Variants in TARBP1 observed in about 807,000 individuals in gnomAD.
TARBP1 encodes tRNA (guanosine(18)-2'-O)-methyltransferase TARBP1.
TARBP1 carries 144 observed loss-of-function variants against 178.6 expected under a neutral mutation model. The ratio of observed to expected loss-of-function variants is 0.81; its 90% CI spans 0.70 to 0.93. TARBP1 has a LOEUF of 0.93. Ranked by LOEUF, TARBP1 falls within the 40% of genes least tolerant of loss-of-function variation. The pLI is 0.00. For synonymous variants in TARBP1, 787 were observed against 781.0 expected (o/e 1.01, Z -0.13); for missense variants, 2,067 against 2,011.7 (o/e 1.03, Z -0.53).
intron 6 of TARBP1, among the ~76,000 whole-genome samples, chr1:234,463,079 TG>T (rs891291878): frequency 1.8e-4 from 28 of 152,230 alleles, no homozygotes; most frequent in African/African-American, 6.5e-4. Flanking sequence ...AACCTGAAGA[TG>T]GGGGATGGTT....
chr1:234,463,878 A>G lies in TARBP1; in HGVS notation c.1358T>C (p.Phe453Ser). The G allele has an allele frequency of 6.3e-7, 1 of 1,598,406 alleles. No individual in the cohort carries two copies. The highest frequency in any genetic ancestry group is 8.5e-7 in the Non-Finnish European group (1 of 1,172,218). The part of the protein sequence containing the change: ...CSPLGLKLQK[F>S]LVTYISLLPE... ...AAGAAGAGAAATATAAGTGACTAAA[A>G]ACTTCTGTAATTTCAGTCCCAATGG... The change falls in exon 6 of 30, where the codon TTT becomes TCT. Residue 453 changes from phenylalanine (F) to serine (S), a missense_variant. Transcript: ENST00000040877.
rs187927434 is a variant in TARBP1 at position 234,445,751 on chromosome 1, G to A, written c.2134+1052C>T. Among the ~76,000 whole-genome samples, 31 of 152,282 alleles carry A rather than the reference G, an allele frequency of 2.0e-4. No homozygotes were observed. In the East Asian group the frequency reaches 2.7e-3, roughly 13 times the overall value. The stretch of plus-strand genomic sequence containing the variant: ...AGGAGGGCACTAAACAGGTAAATTC[G>A]TTCTTAGGTTGCATGTGAGCACACA... On this transcript the variant is annotated intron_variant, in intron 12 of 29. Coordinates refer to ENST00000040877, the MANE Select transcript of TARBP1 (RefSeq NM_005646.4).
At chr1:234,476,430 G>C (rs529329474) in intron 1 of TARBP1, among the ~76,000 whole-genome samples, 1 of 152,334 alleles carries the variant, frequency 6.6e-6, no homozygotes, top group African/African-American at 2.4e-5. Context: ...CGTGAGGTCT[G>C]TGCACCAGGC....
chr1:234,472,563 G>A, intron 2 of TARBP1, 151 bp downstream of exon 2: 1 of 543,964 alleles, frequency 1.8e-6, no homozygotes, highest in Non-Finnish European at 3.2e-6. Context: ...TACACTCTAA[G>A]TTGCATTTAT....
chr1:234,408,103 G>C (rs1030703951), intron 23 of TARBP1: 1 of 152,112 alleles, frequency 6.6e-6, no homozygotes, highest in African/African-American at 2.4e-5. Flanking sequence ...ATACATATCA[G>C]TGTAAAAAGC....
chr1:234,437,242 A>G (rs1461811705), intron 13 of TARBP1, 33 bp downstream of exon 13: 3 of 1,141,658 alleles, frequency 2.6e-6, no homozygotes, highest in Non-Finnish European at 3.8e-6. Context: ...AATGAAAGAA[A>G]TGAAAAAGAA....
chr1:234,401,301 A>T (rs1171574888), intron 24 of TARBP1, 39 bp from the exon 25 acceptor site: 1 of 1,499,218 alleles, frequency 6.7e-7, no homozygotes, highest in African/African-American at 1.4e-5. Flanking sequence ...CAGACAAATG[A>T]AACAACTCTG....
intron 6 of TARBP1, among the ~76,000 whole-genome samples, chr1:234,461,166 T>C (rs1413758526): frequency 6.6e-6 from 1 of 152,234 alleles, no homozygotes; most frequent in Non-Finnish European, 1.5e-5. Flanking sequence ...ACCAAATGGT[T>C]TAAAAGGGTG....
intron 26 of TARBP1, among the ~76,000 whole-genome samples, chr1:234,396,291 A>G (rs567311674): frequency 3.2e-4 from 49 of 152,250 alleles, no homozygotes; most frequent in African/African-American, 1.1e-3. Context: ...GGCTCTACCC[A>G]ACCGCACTGG....
chr1:234,470,612 A>G (rs2103300665), intron 3 of TARBP1, among the ~76,000 whole-genome samples: 1 of 109,904 alleles, frequency 9.1e-6, no homozygotes, highest in Admixed American at 1.0e-4. Context: ...GCTATTTTAA[A>G]TTGTGTTCTT....
chr1:234,472,250 A>C (rs1642998500), intron 2 of TARBP1, among the ~76,000 whole-genome samples: 1 of 143,346 alleles, frequency 7.0e-6, no homozygotes, highest in African/African-American at 2.6e-5. Flanking sequence ...AATCACTTGA[A>C]CCCAGGAGGC....
intron 6 of TARBP1, among the ~76,000 whole-genome samples, chr1:234,463,482 G>A (rs1668115445): frequency 6.6e-6 from 1 of 152,136 alleles, no homozygotes; most frequent in Non-Finnish European, 1.5e-5. Flanking sequence ...TTGCCACAAT[G>A]AGTATTCTGT....
chr1:234,394,709 C>G (rs750720348), intron 26 of TARBP1, among the ~76,000 whole-genome samples: 1 of 152,240 alleles, frequency 6.6e-6, no homozygotes, highest in Non-Finnish European at 1.5e-5. Context: ...ATGGTTCAGA[C>G]AGCAGCAAGT....
intron 19 of TARBP1, 25 bp from the exon 20 acceptor site, chr1:234,425,818 T>C (rs1663685195): frequency 1.4e-6 from 2 of 1,473,242 alleles, no homozygotes; most frequent in East Asian, 2.3e-5. Flanking sequence ...TGATAAATTA[T>C]GTTAATACAT....
At position 234,401,198 on chromosome 1, in the gene TARBP1, T is replaced by C. The variant is rs1283261872; in HGVS notation, c.4054A>G (p.Lys1352Glu). ...CTACTCACCTCTAGACAATAATCCT[T>C]GAGTGGGTGAAATGTTGCAAAAAAG... is the stretch of plus-strand genomic sequence containing the variant. ...HFFFATFHPL[K>E]DYCLETIFYI... is the part of the protein sequence containing the mutation. The change falls in exon 25 of 30, where the codon AAG becomes GAG. Residue 1352 changes from lysine (K) to glutamate (E), a missense_variant. Coordinates refer to ENST00000040877, the MANE Select transcript of TARBP1 (RefSeq NM_005646.4). The C allele has an allele frequency of 6.2e-7, 1 of 1,613,246 alleles. No homozygotes were observed. The highest frequency in any genetic ancestry group is 1.1e-5 in the South Asian group (1 of 90,984).
At chr1:234,397,000 G>A (rs114086410) in intron 26 of TARBP1, among the ~76,000 whole-genome samples, 1,650 of 151,414 alleles carry the variant, frequency 0.011, 32 homozygotes, top group African/African-American at 0.038. Context: ...TTTTCCACTC[G>A]GACTGTGTAA....
rs1346351947 is a variant in TARBP1, at chr1:234,478,647, G to A, written c.457C>T (p.Pro153Ser). ...TCCAGTAGCGGCCCGTCCTCGCGGGGCCGCAAACATGGCCCGACGGCTGCT... is the reference window on the plus strand; with the variant it reads ...TCCAGTAGCGGCCCGTCCTCGCGGGACCGCAAACATGGCCCGACGGCTGCT... ...VLAAVGPCLRPREDGPLLERV... is the reference protein window; with the variant it reads ...VLAAVGPCLRSREDGPLLERV... The change falls in exon 1 of 30, where the codon CCC becomes TCC. Residue 153 changes from proline (P) to serine (S), a missense_variant. Pro to Ser is a moderately conservative substitution (Grantham distance 74, BLOSUM62 -1). Coordinates refer to ENST00000040877, the MANE Select transcript of TARBP1 (RefSeq NM_005646.4). The A allele has an allele frequency of 2.3e-6, 3 of 1,277,970 alleles. No individual in the cohort carries two copies. Among genetic ancestry groups the A allele is most frequent in the Admixed American group, 4.0e-5 (1 of 24,872 alleles). The allele number at this position is 1,277,970 out of a possible 1,614,324, so 79.2% of individuals were successfully genotyped here. A position where few individuals can be genotyped will look rare whatever the true frequency, so the allele number is the denominator to read the frequency against.
chr1:234,428,152 G>C (rs908151431), intron 17 of TARBP1, among the ~76,000 whole-genome samples: 2 of 152,102 alleles, frequency 1.3e-5, no homozygotes, highest in African/African-American at 2.4e-5. Context: ...GGCAGAAAAG[G>C]ACCAAGAAAG....
At chr1:234,469,077 T>TAAAAAAAA (rs1327979551) in intron 3 of TARBP1, among the ~76,000 whole-genome samples, 1 of 63,786 alleles carries the variant, frequency 1.6e-5, no homozygotes, top group Non-Finnish European at 2.9e-5. Context: ...TTTTTTTTTT[T>TAAAAAAAA]AAAAAAAAAA....
Sources: allele counts gnomAD v4.1 joint callset (sites outside exome capture counted in the v4.1 genomes callset), GRCh38; gene constraint gnomAD v4.1.1; transcripts MANE v1.5; gene names NCBI Gene and HGNC (gene_info 2026-07-23, HGNC 2026-07-21).